Variants in AMPH observed in about 807,000 individuals in gnomAD.
The protein encoded by AMPH is amphiphysin.
A neutral mutation model predicts 99.1 loss-of-function variants in AMPH; 49 were observed. The observed-to-expected ratio is 0.49, with a 90% confidence interval of 0.39 to 0.63. AMPH has a LOEUF of 0.63. AMPH is among the 20% of genes least tolerant of loss of function. AMPH has a pLI of 0.00. For synonymous variants in AMPH, 314 were observed against 317.3 expected, an observed-to-expected ratio of 0.99 and a Z score of 0.11; for missense variants, 759 against 863.4, an observed-to-expected ratio of 0.88 and a Z score of 1.52.
chr7:38,439,660 T>C (rs1363013942), intron 11 of AMPH, among the ~76,000 whole-genome samples: 2 of 152,198 alleles, frequency 1.3e-5, no homozygotes, highest in East Asian at 3.9e-4. Flanking sequence ...TGATTGTAAG[T>C]ACTGCTTTAC....
rs1164154160 is a variant in AMPH, at chr7:38,394,105, T to G, written c.1508A>C (p.Glu503Ala). The G allele has an allele frequency of 1.5e-5, 25 of 1,613,952 alleles. No individual in the cohort carries two copies. Among genetic ancestry groups the G allele is most frequent in the African/African-American group, 5.3e-5 (4 of 74,882 alleles). Residue 503 changes from glutamate (E) to alanine (A), a missense_variant, in exon 18 of 21, where the codon GAA (glutamate) becomes GCA (alanine). Physicochemically the swap from Glu to Ala is moderately radical, Grantham distance 107. Transcript: ENST00000356264. Reference sequence around the variant, plus strand: ...TTTGGCCTCCTCTAAACTTACTCCTTCCCCGGCAGGGACAGTGGCCTTCTC... The same window carrying G: ...TTTGGCCTCCTCTAAACTTACTCCTGCCCCGGCAGGGACAGTGGCCTTCTC... The part of the protein sequence containing the change: ...EAEKATVPAG[E>A]GVSLEEAKIG...
intron 10 of AMPH, among the ~76,000 whole-genome samples, chr7:38,461,677 G>C (rs1318666841): frequency 6.6e-6 from 1 of 152,182 alleles, no homozygotes; most frequent in East Asian, 1.9e-4. Context: ...ACACAGAGCT[G>C]TAGGGCCAGG....
At chr7:38,418,078 T>A (rs1237221169) in intron 16 of AMPH, 128 bp from the exon 17 acceptor site, 2 of 1,097,466 alleles carry the variant, frequency 1.8e-6, no homozygotes, top group Non-Finnish European at 1.3e-6. Context: ...AAATCCGTGC[T>A]GGAGAAAAGC....
intron 20 of AMPH, among the ~76,000 whole-genome samples, chr7:38,387,212 T>C (rs567260311): frequency 1.3e-3 from 192 of 152,332 alleles, no homozygotes; most frequent in African/African-American, 4.4e-3. Flanking sequence ...ATGGTCTACC[T>C]ACTATGTCTA....
chr7:38,577,604 G>T (rs1229845771), intron 1 of AMPH, among the ~76,000 whole-genome samples: 1 of 151,986 alleles, frequency 6.6e-6, no homozygotes, highest in Non-Finnish European at 1.5e-5. Flanking sequence ...CAGAATGAAT[G>T]CAGCAAACAG....
intron 11 of AMPH, among the ~76,000 whole-genome samples, chr7:38,453,588 A>G (rs992019924): frequency 5.1e-4 from 78 of 152,218 alleles, no homozygotes; most frequent in African/African-American, 1.4e-3. Flanking sequence ...CCCACCATCA[A>G]GTGTCCTTAC....
At chr7:38,445,884 C>G (rs1284953401) in intron 11 of AMPH, among the ~76,000 whole-genome samples, 1 of 152,072 alleles carries the variant, frequency 6.6e-6, no homozygotes, top group Non-Finnish European at 1.5e-5. Context: ...TCCCTTGGTA[C>G]TGTATAGTGA....
At chr7:38,543,867 T>G (rs1790900565) in intron 1 of AMPH, among the ~76,000 whole-genome samples, 1 of 152,186 alleles carries the variant, frequency 6.6e-6, no homozygotes, top group African/African-American at 2.4e-5. Context: ...TATATCCATC[T>G]ACAGAGTCTC....
intron 7 of AMPH, among the ~76,000 whole-genome samples, chr7:38,471,619 C>T (rs1372054944): frequency 6.6e-6 from 1 of 152,076 alleles, no homozygotes. Flanking sequence ...ACAGAAAAGC[C>T]TACATTTTGG....
At position 38,453,199 on chromosome 7, in the gene AMPH, G is replaced by A. The variant is rs140118577; in HGVS notation, c.1017+8084C>T. 9.3e-4 allele frequency among the ~76,000 whole-genome samples: 142 copies of A among 152,214 alleles called. 1 individual carries two copies. Among genetic ancestry groups the A allele is most frequent in the African/African-American group, 3.1e-3 (129 of 41,534 alleles). On this transcript the variant is annotated intron_variant, in intron 11 of 20. Transcript: ENST00000356264. The stretch of plus-strand genomic sequence containing the variant: ...ACAATATAAATAAGGCTGTGCCCCC[G>A]AAAATGCACTCCTATAATGTCTCTG...
chr7:38,515,581 G>T (rs963903989), intron 2 of AMPH, among the ~76,000 whole-genome samples: 1 of 152,126 alleles, frequency 6.6e-6, no homozygotes, highest in African/African-American at 2.4e-5. Context: ...CCAGTTTCAG[G>T]TAGTTCTTCA....
At chr7:38,510,166 GT>G (rs1789485516) in intron 2 of AMPH, among the ~76,000 whole-genome samples, 1 of 152,158 alleles carries the variant, frequency 6.6e-6, no homozygotes, top group Non-Finnish European at 1.5e-5. Flanking sequence ...GGTAGGTGCA[GT>G]TTCCCCCCGT....
At chr7:38,445,010 T>TATATATATATATATATATATATATAC (rs1458295332) in intron 11 of AMPH, among the ~76,000 whole-genome samples, 1 of 125,988 alleles carries the variant, frequency 7.9e-6, no homozygotes, top group African/African-American at 2.9e-5. Flanking sequence ...TATATATATA[T>TATATATATATATATATATATATATAC]ACACACACAC....
chr7:38,555,111 T>C (rs1791317137), intron 1 of AMPH, among the ~76,000 whole-genome samples: 1 of 152,152 alleles, frequency 6.6e-6, no homozygotes, highest in Admixed American at 6.5e-5. Flanking sequence ...CACAGTCCCA[T>C]GTCAGGGCAA....
intron 11 of AMPH, among the ~76,000 whole-genome samples, chr7:38,457,976 T>C (rs1033610391): frequency 1.3e-5 from 2 of 152,186 alleles, no homozygotes; most frequent in African/African-American, 4.8e-5. Flanking sequence ...TACAATGACA[T>C]ATATGTCACC....
At chr7:38,428,789 A>C (rs1562747494) in intron 14 of AMPH, 1 of 459,680 alleles carries the variant, frequency 2.2e-6, no homozygotes, top group Non-Finnish European at 4.4e-6. Context: ...CTCTGTCACT[A>C]AGTTCTTTTG....
At chr7:38,554,582 A>C (rs1174977480) in intron 1 of AMPH, among the ~76,000 whole-genome samples, 1 of 152,234 alleles carries the variant, frequency 6.6e-6, no homozygotes, top group Non-Finnish European at 1.5e-5. Context: ...TGGCAAACTA[A>C]ATATCCAAAA....
intron 1 of AMPH, among the ~76,000 whole-genome samples, chr7:38,580,125 C>T (rs1792390385): frequency 6.6e-6 from 1 of 152,142 alleles, no homozygotes; most frequent in Non-Finnish European, 1.5e-5. Flanking sequence ...TGATCCCAAA[C>T]TAGGAAAAAA....
intron 15 of AMPH, 112 bp downstream of exon 15, chr7:38,426,842 G>C (rs1785797966): frequency 1.1e-6 from 1 of 916,966 alleles, no homozygotes; most frequent in Non-Finnish European, 1.7e-6. Context: ...CCAATTTTGT[G>C]CTGATATTCT....
Sources: allele counts gnomAD v4.1 joint callset (sites outside exome capture counted in the v4.1 genomes callset), GRCh38; gene constraint gnomAD v4.1.1; transcripts MANE v1.5; gene names NCBI Gene and HGNC (gene_info 2026-07-23, HGNC 2026-07-21).